The following DNAJC13 variants were observed in gnomAD, a reference collection of about 807,000 sequenced individuals.
DNAJC13 encodes DnaJ heat shock protein family (Hsp40) member C13.
In DNAJC13, 75 loss-of-function variants were observed where a neutral mutation model predicts 290.5. The observed-to-expected ratio is 0.26, with a 90% CI of 0.21 to 0.31. DNAJC13 has a LOEUF of 0.31. DNAJC13 is among the 10% of genes least tolerant of loss of function. DNAJC13 has a pLI of 1.00. For synonymous variants in DNAJC13, 862 were observed against 892.0 expected, an observed-to-expected ratio of 0.97 and a Z score of 0.60; for missense variants, 2,260 against 2,674.5, an observed-to-expected ratio of 0.85 and a Z score of 3.42.
chr3:132,505,211 A>C, intron 41 of DNAJC13, 91 bp from the exon 42 acceptor site: 1 of 739,488 alleles, frequency 1.4e-6, no homozygotes, highest in Non-Finnish European at 2.3e-6. Context: ...CAACTATTAT[A>C]GTGTTTGGCC....
chr3:132,461,601 C>T (rs959386503), intron 15 of DNAJC13, among the ~76,000 whole-genome samples: 10 of 152,150 alleles, frequency 6.6e-5, no homozygotes, highest in African/African-American at 1.4e-4. Flanking sequence ...GTACAGATTT[C>T]TTGGTGTTTC....
intron 2 of DNAJC13, among the ~76,000 whole-genome samples, chr3:132,437,796 G>C (rs553902470): frequency 3.9e-5 from 6 of 151,966 alleles, no homozygotes; most frequent in Non-Finnish European, 7.4e-5. Context: ...CTGGTCTCTT[G>C]CATTTCCATA....
intron 11 of DNAJC13, 38 bp from the exon 12 acceptor site, chr3:132,456,625 G>A (rs1240322557): frequency 1.2e-6 from 2 of 1,612,968 alleles, no homozygotes; most frequent in African/African-American, 1.3e-5. Flanking sequence ...CTAACTTTTG[G>A]TATGGAAACT....
chr3:132,500,483 AT>A (rs1935373733), intron 38 of DNAJC13, among the ~76,000 whole-genome samples: 1 of 152,144 alleles, frequency 6.6e-6, no homozygotes, highest in African/African-American at 2.4e-5. Flanking sequence ...TCTCTGTTAC[AT>A]TTTCTTTTGT....
chr3:132,529,064 C>T lies in DNAJC13; in HGVS notation c.6525+732C>T, dbSNP rs141197383. On this transcript the variant is annotated intron_variant, in intron 54 of 55. Coordinates refer to ENST00000260818, the MANE Select transcript of DNAJC13 (RefSeq NM_015268.4). ...GTACAAACACCACCGTATCTAGTTC[C>T]AAAACATTTTCATCACCTCTGTACC... is the stretch of plus-strand genomic sequence containing the variant. Among the ~76,000 whole-genome samples the T allele has an allele frequency of 3.0e-3, 463 of 152,186 alleles. 1 individual carries two copies. Among genetic ancestry groups the T allele is most frequent in the Non-Finnish European group, 5.0e-3 (338 of 68,002 alleles).
At chr3:132,530,030 C>T (rs1412839882) in intron 54 of DNAJC13, among the ~76,000 whole-genome samples, 1 of 151,656 alleles carries the variant, frequency 6.6e-6, no homozygotes, top group Non-Finnish European at 1.5e-5. Flanking sequence ...ATCCTGACAC[C>T]CACTTCCTAC....
At chr3:132,468,121 A>G (rs1265325191) in intron 20 of DNAJC13, among the ~76,000 whole-genome samples, 1 of 152,222 alleles carries the variant, frequency 6.6e-6, no homozygotes, top group East Asian at 1.9e-4. Context: ...AAACAGTTTT[A>G]GTCTCATTCT....
intron 55 of DNAJC13, among the ~76,000 whole-genome samples, chr3:132,532,810 T>A (rs2107756374): frequency 6.6e-6 from 1 of 151,852 alleles, no homozygotes; most frequent in South Asian, 2.1e-4. Context: ...CGACCTCAGC[T>A]CACTGCAACC....
At chr3:132,418,113 A>T (rs1938849790) in intron 1 of DNAJC13, among the ~76,000 whole-genome samples, 1 of 151,936 alleles carries the variant, frequency 6.6e-6, no homozygotes, top group Non-Finnish European at 1.5e-5. Context: ...CCAGTCTCCT[A>T]GTCTGAGCAC....
At chr3:132,453,880 G>A (rs953678210) in intron 8 of DNAJC13, among the ~76,000 whole-genome samples, 186 bp downstream of exon 8, 1 of 152,054 alleles carries the variant, frequency 6.6e-6, no homozygotes. Context: ...TATTTTCCAA[G>A]TATATAAAGA....
rs544458574 is a variant in DNAJC13 at position 132,473,618 on chromosome 3, A to G, written c.2291+391A>G. Among the ~76,000 whole-genome samples the G allele has an allele frequency of 5.3e-5, 8 of 152,210 alleles. No homozygotes were observed. The South Asian group carries it at 1.7e-3, about 32-fold the overall frequency. Reference sequence around the variant, plus strand: ...TGATAGGAGGACCTTCCCTCCTATCAAATGTGGTAACCTCTTCCCTCTTTT... The same window carrying G: ...TGATAGGAGGACCTTCCCTCCTATCGAATGTGGTAACCTCTTCCCTCTTTT... On this transcript the variant is annotated intron_variant, in intron 21 of 55. Transcript: ENST00000260818.
chr3:132,526,286 G>A lies in DNAJC13; in HGVS notation c.6381+5G>A. On this transcript the variant is annotated splice_donor_5th_base_variant and intron_variant, in intron 53 of 55. Coordinates refer to ENST00000260818, the MANE Select transcript of DNAJC13 (RefSeq NM_015268.4). ...CAGAGTGAATTAGTAGCACAAGTAA[G>A]TGACTTTCTAGATTTAGCACTATTT... 1 of 1,613,744 alleles carries A rather than the reference G, an allele frequency of 6.2e-7. No homozygotes were observed. The highest frequency in any genetic ancestry group is 8.5e-7 in the Non-Finnish European group (1 of 1,179,786).
intron 50 of DNAJC13, among the ~76,000 whole-genome samples, 170 bp from the exon 51 acceptor site, chr3:132,523,370 A>G (rs996077152): frequency 1.3e-5 from 2 of 152,246 alleles, no homozygotes; most frequent in Non-Finnish European, 2.9e-5. Flanking sequence ...TTTCGAAGTT[A>G]GTAAGGGCAC....
chr3:132,426,404 G>A (rs1176935751), intron 1 of DNAJC13, among the ~76,000 whole-genome samples: 1 of 152,210 alleles, frequency 6.6e-6, no homozygotes, highest in Non-Finnish European at 1.5e-5. Context: ...CAGGAATGAA[G>A]GAGATGAAAT....
intron 20 of DNAJC13, among the ~76,000 whole-genome samples, chr3:132,467,944 T>C (rs938556414): frequency 6.6e-6 from 1 of 152,250 alleles, no homozygotes; most frequent in Non-Finnish European, 1.5e-5. Context: ...CCTTCTTCTC[T>C]GGACTTTGTT....
At position 132,456,428 on chromosome 3, in the gene DNAJC13, A is replaced by G. The variant is rs374995708; in HGVS notation, c.1099+27A>G. On this transcript the variant is annotated intron_variant, in intron 10 of 55. Transcript: ENST00000260818. The stretch of plus-strand genomic sequence containing the variant: ...TAAGTATTGATTTAAATGTAATTAC[A>G]TTTCCACTCATCTACTTAATTTAAG... The G allele has an allele frequency of 1.1e-4, 173 of 1,610,958 alleles. No homozygotes were observed. In the African/African-American group the frequency reaches 2.2e-3, roughly 20 times the overall value.
chr3:132,466,147 G>A, intron 18 of DNAJC13, 77 bp downstream of exon 18: 3 of 1,437,796 alleles, frequency 2.1e-6, no homozygotes, highest in Non-Finnish European at 2.9e-6. Flanking sequence ...TGTTAAAAGG[G>A]GATGGTTTGT....
intron 2 of DNAJC13, among the ~76,000 whole-genome samples, chr3:132,435,903 T>G (rs1255828728): frequency 1.3e-5 from 2 of 152,176 alleles, no homozygotes; most frequent in Non-Finnish European, 2.9e-5. Flanking sequence ...ATCATCAAAA[T>G]TTTTGGTAAT....
At chr3:132,532,351 T>A (rs1273827424) in intron 55 of DNAJC13, among the ~76,000 whole-genome samples, 1 of 152,086 alleles carries the variant, frequency 6.6e-6, no homozygotes, top group Non-Finnish European at 1.5e-5. Context: ...GGTGTGACAC[T>A]TTTTTTTCTT....
Sources: gnomAD v4.1 joint callset for allele counts (sites outside exome capture counted in the v4.1 genomes callset) on GRCh38, gnomAD v4.1.1 for gene constraint, MANE v1.5 for transcripts, NCBI Gene and HGNC (gene_info 2026-07-23, HGNC 2026-07-21) for gene names.